The following RTP2 variants were observed in gnomAD, a reference collection of about 807,000 sequenced individuals.
The protein encoded by RTP2 is receptor-transporting protein 2.
RTP2 carries 12 observed loss-of-function variants against 17.9 expected under a neutral mutation model. The observed-to-expected ratio is 0.67, with a 90% CI of 0.43 to 1.09. The LOEUF is 1.09. RTP2 is among the 50% of genes least tolerant of loss of function. The probability of loss-of-function intolerance (pLI) is 0.00; values close to 1 mark genes in which losing one functional copy is unlikely to be tolerated. For missense variants in RTP2, 327 were observed against 295.7 expected (o/e 1.11, Z -0.78); for synonymous variants, 126 against 117.7 (o/e 1.07, Z -0.46).
At chr3:187,702,402 A>G in exon 1 of RTP2, 1 of 545,298 alleles carries the variant, frequency 1.8e-6, no homozygotes, top group South Asian at 1.6e-5. Context: ...GGTAGGCCTG[A>G]GAGGAGCAAG....
chr3:187,706,697 A>C (rs1035262523), upstream of RTP2, among the ~76,000 whole-genome samples: 3 of 151,960 alleles, frequency 2.0e-5, no homozygotes, highest in Non-Finnish European at 2.9e-5. Context: ...CTGCCTCCTG[A>C]GTTCAAGCGA....
At chr3:187,702,367 G>A (rs2108542925) in exon 1 of RTP2, 4 of 565,064 alleles carry the variant, frequency 7.1e-6, no homozygotes, top group Non-Finnish European at 1.3e-5. Context: ...TCAGGGCCCT[G>A]AGTTAGGCTT....
chr3:187,702,207 TCAGTGTCTACGGTCAGA>T lies in RTP2; in HGVS notation c.-96_-80del. The stretch of plus-strand genomic sequence containing the variant: ...AGAGCACGGATAGGTACGGGACAAT[TCAGTGTCTACGGTCAGA>T]ATCCTCATCGGCAGGACTGGGAGTA... On this transcript the variant is annotated 5_prime_UTR_variant, in exon 1 of 2. The change creates a premature stop within an existing upstream ORF in the 5' untranslated region. Coordinates refer to ENST00000358241, the Ensembl canonical transcript of RTP2. 1 of 1,398,950 alleles carries T rather than the reference TCAGTGTCTACGGTCAGA, an allele frequency of 7.1e-7. No homozygotes were observed. The highest frequency in any genetic ancestry group is 9.8e-7 in the Non-Finnish European group (1 of 1,017,792). The allele number at this position is 1,398,950 out of a possible 1,614,324, so 86.7% of individuals were successfully genotyped here. A position where few individuals can be genotyped will look rare whatever the true frequency, so the allele number is the denominator to read the frequency against.
the RTP2 span, among the ~76,000 whole-genome samples, chr3:187,707,611 G>A: frequency 2.0e-5 from 3 of 152,206 alleles, no homozygotes; most frequent in African/African-American, 4.8e-5. Flanking sequence ...TGGAAGTTGA[G>A]GCCTGAAAGA....
At chr3:187,702,171 A>G in exon 1 of RTP2, 1 of 1,558,284 alleles carries the variant, frequency 6.4e-7, no homozygotes, top group South Asian at 1.2e-5. Context: ...AGCCCTGGTG[A>G]GAACACAGAA....
the RTP2 span, among the ~76,000 whole-genome samples, chr3:187,708,239 T>C: frequency 1.1e-4 from 16 of 152,208 alleles, no homozygotes; most frequent in Non-Finnish European, 1.6e-4. Context: ...ATCTCCTACC[T>C]AGATTTTTCA....
At chr3:187,698,597 G>T in exon 2 of RTP2, 1 of 1,614,264 alleles carries the variant, frequency 6.2e-7, no homozygotes. Flanking sequence ...AGAAGTTGTA[G>T]CCGGATCCCG....
exon 2 of RTP2, chr3:187,698,456 C>A: frequency 6.5e-7 from 1 of 1,533,002 alleles, no homozygotes; most frequent in Non-Finnish European, 8.8e-7. Flanking sequence ...GTCCTCCCCA[C>A]TCTCAAGCCC....
chr3:187,705,709 A>G (rs142615830), upstream of RTP2, among the ~76,000 whole-genome samples: 402 of 152,308 alleles, frequency 2.6e-3, 4 homozygotes, highest in African/African-American at 9.1e-3. Context: ...CTTGATGAGC[A>G]GTCAGAAAGG....
At chr3:187,699,823 T>C (rs1717801235) in intron 1 of RTP2, among the ~76,000 whole-genome samples, 1 of 150,938 alleles carries the variant, frequency 6.6e-6, no homozygotes, top group African/African-American at 2.4e-5. Flanking sequence ...AGAGGCCACT[T>C]GGCGTAACCT....
At chr3:187,702,801 A>G (rs552174019), upstream of RTP2, among the ~76,000 whole-genome samples, 3 of 152,380 alleles carry the variant, frequency 2.0e-5, no homozygotes, top group African/African-American at 7.2e-5. Flanking sequence ...TGTGCTCCTA[A>G]CAGGGAATTG....
upstream of RTP2, among the ~76,000 whole-genome samples, chr3:187,702,986 G>A (rs1717892846): frequency 6.7e-6 from 1 of 149,574 alleles, no homozygotes; most frequent in African/African-American, 2.4e-5. Flanking sequence ...GGCTGCTGGG[G>A]TAATGAGTTT....
the RTP2 span, among the ~76,000 whole-genome samples, chr3:187,708,663 A>T: frequency 6.6e-6 from 1 of 152,260 alleles, no homozygotes; most frequent in South Asian, 2.1e-4. Context: ...GCTGACCTTA[A>T]TTTAATATAC....
the RTP2 span, among the ~76,000 whole-genome samples, chr3:187,710,823 G>GCTAC: frequency 6.6e-6 from 1 of 152,240 alleles, no homozygotes; most frequent in East Asian, 1.9e-4. Context: ...CTCTGGCGAT[G>GCTAC]TCAAGGGTCC....
At chr3:187,708,550 A>G in the RTP2 span, among the ~76,000 whole-genome samples, 26,165 of 152,196 alleles carry the variant, frequency 0.17, 2,310 homozygotes, top group South Asian at 0.26. Flanking sequence ...GAGAATTTGT[A>G]TGATGCAAGA....
At position 187,701,999 on chromosome 3, in the gene RTP2, AGCCAGGG is replaced by A. The variant is rs1717862351; in HGVS notation, c.123_129del (p.Pro42GlyfsTer133). On this transcript the variant is annotated frameshift_variant, in exon 1 of 2. Coordinates refer to ENST00000358241, the Ensembl canonical transcript of RTP2. LOFTEE classifies it high-confidence loss of function. ...GCGTGCTGCTCCAGGTACTGCTTCC[AGCCAGGG>A]GCCAGCTCACTGGGCTTGAGGTTGG... is the stretch of plus-strand genomic sequence containing the variant. The A allele has an allele frequency of 6.2e-7, 1 of 1,610,628 alleles. No individual in the cohort carries two copies. Among genetic ancestry groups the A allele is most frequent in the African/African-American group, 1.3e-5 (1 of 74,842 alleles).
At chr3:187,709,917 G>C in the RTP2 span, among the ~76,000 whole-genome samples, 2 of 152,094 alleles carry the variant, frequency 1.3e-5, no homozygotes, top group Non-Finnish European at 2.9e-5. Flanking sequence ...GGCAACACAT[G>C]TATGATGAAT....
At chr3:187,708,615 A>C in the RTP2 span, among the ~76,000 whole-genome samples, 1 of 152,256 alleles carries the variant, frequency 6.6e-6, no homozygotes, top group Non-Finnish European at 1.5e-5. Flanking sequence ...GCAAAGAAAT[A>C]GCAGACTAGT....
At chr3:187,700,434 G>T (rs994404903) in intron 1 of RTP2, among the ~76,000 whole-genome samples, 8 of 152,208 alleles carry the variant, frequency 5.3e-5, no homozygotes, top group Admixed American at 4.6e-4. Context: ...GAGGCCAGCT[G>T]GGAGCCACAA....
Sources: gnomAD v4.1 joint callset for allele counts (sites outside exome capture counted in the v4.1 genomes callset) on GRCh38, gnomAD v4.1.1 for gene constraint, MANE v1.5 for transcripts, NCBI Gene and HGNC (gene_info 2026-07-23, HGNC 2026-07-21) for gene names.